The following TTC13 variants were observed in gnomAD, a reference collection of about 807,000 sequenced individuals.
TTC13 encodes the protein tetratricopeptide repeat domain 13, also known as tetratricopeptide repeat protein 13.
TTC13 carries 62 observed loss-of-function variants against 120.0 expected under a neutral mutation model. That is an observed-to-expected ratio of 0.52 (90% confidence interval 0.42 to 0.64). TTC13 has a LOEUF of 0.64. Among genes scored for constraint, TTC13 ranks in the 30% least tolerant of loss-of-function variants. The pLI is 0.00. For synonymous variants in TTC13, 384 were observed against 393.5 expected, an observed-to-expected ratio of 0.98 and a Z score of 0.28; for missense variants, 824 against 1,050.2, an observed-to-expected ratio of 0.78 and a Z score of 2.98.
intron 7 of TTC13, among the ~76,000 whole-genome samples, chr1:230,939,716 G>T (rs958066118): frequency 5.3e-5 from 8 of 152,050 alleles, no homozygotes; most frequent in African/African-American, 1.9e-4. Flanking sequence ...GAAAAACAAA[G>T]GTTTAATTTA....
chr1:230,949,723 G>C (rs930082219), intron 4 of TTC13, among the ~76,000 whole-genome samples: 1 of 152,052 alleles, frequency 6.6e-6, no homozygotes, highest in African/African-American at 2.4e-5. Flanking sequence ...TTGGCTCACT[G>C]CAAGTTCCAC....
Position 230,978,150 on chromosome 1 carries a change from G to A in TTC13, c.271+410C>T, listed in dbSNP as rs12757827. Among the ~76,000 whole-genome samples the A allele has an allele frequency of 0.19, 28,201 of 152,160 alleles. 3,470 individuals are homozygous for A. Among genetic ancestry groups the A allele is most frequent in the Non-Finnish European group, 0.27 (18,604 of 67,936 alleles). Reference sequence around the variant, plus strand: ...GCGTCTCCCTCCGGGGGCGGGCTCCGCAAGCCGCCGGGCTGGTTGCTCGTC... The same window carrying A: ...GCGTCTCCCTCCGGGGGCGGGCTCCACAAGCCGCCGGGCTGGTTGCTCGTC... On this transcript the variant is annotated intron_variant, in intron 1 of 22. Coordinates refer to ENST00000366661, the MANE Select transcript of TTC13 (RefSeq NM_024525.5). This position sits in a 1 kb window ranked among gnomAD's most constrained non-coding sequence, Gnocchi z 5.6.
At chr1:230,916,898 C>T (rs1158874314) in intron 17 of TTC13, among the ~76,000 whole-genome samples, 2 of 152,170 alleles carry the variant, frequency 1.3e-5, no homozygotes, top group Admixed American at 6.5e-5. Context: ...CAGACGTTAG[C>T]TTTCTGTTTA....
intron 8 of TTC13, chr1:230,936,182 T>A: frequency 2.2e-6 from 1 of 456,230 alleles, no homozygotes; most frequent in Non-Finnish European, 4.4e-6. Context: ...CCACAGTTCT[T>A]CAAAGTCTGA....
At chr1:230,910,577 G>C (rs1246219392) in intron 20 of TTC13, among the ~76,000 whole-genome samples, 1 of 152,232 alleles carries the variant, frequency 6.6e-6, no homozygotes, top group Non-Finnish European at 1.5e-5. Context: ...AGGACAATCA[G>C]AGCTGCACGT....
intron 1 of TTC13, among the ~76,000 whole-genome samples, chr1:230,971,074 G>A (rs961888614): frequency 3.3e-5 from 5 of 152,036 alleles, no homozygotes; most frequent in East Asian, 3.9e-4. Flanking sequence ...GGCCAGGCGC[G>A]GTGGCTCATG....
At chr1:230,943,687 A>G (rs1349465385) in intron 6 of TTC13, 119 bp downstream of exon 6, 8 of 724,008 alleles carry the variant, frequency 1.1e-5, no homozygotes, top group African/African-American at 1.8e-5. Flanking sequence ...AAGTACCGAC[A>G]TAGAAAAACA....
At chr1:230,971,941 A>G (rs1342512101) in intron 1 of TTC13, among the ~76,000 whole-genome samples, 3 of 152,246 alleles carry the variant, frequency 2.0e-5, no homozygotes, top group Non-Finnish European at 4.4e-5. Flanking sequence ...AAGCCCACAC[A>G]TACTGGCAGA....
At chr1:230,926,523 C>A (rs1478357142) in intron 12 of TTC13, among the ~76,000 whole-genome samples, 1 of 152,144 alleles carries the variant, frequency 6.6e-6, no homozygotes, top group East Asian at 1.9e-4. Flanking sequence ...TTTGAACACA[C>A]AGTTTAGGCA....
At chr1:230,907,822 ATAAC>A (rs779406578) in intron 22 of TTC13, among the ~76,000 whole-genome samples, 15 of 152,354 alleles carry the variant, frequency 9.8e-5, no homozygotes, top group Non-Finnish European at 1.8e-4. Context: ...AGGGGCAAAA[ATAAC>A]TAAAGTTGAA....
rs552591854 is a variant in TTC13, at chr1:230,961,187, A to T, written c.366+22T>A. On this transcript the variant is annotated intron_variant, in intron 2 of 22. Transcript: ENST00000366661. ...ACTGGGCTTCAGGTTACAAAAACAG[A>T]ACACAGAGAGAAGATGCATACCAGA... 2.5e-6 allele frequency: 4 copies of T among 1,597,870 alleles called. No individual in the cohort carries two copies. In the South Asian group the frequency reaches 4.4e-5, roughly 18 times the overall value.
rs367873990 is a variant in TTC13, at chr1:230,941,381, G to A, written c.673-825C>T. ...CACAATCATAGCTCACTGTAACCTC[G>A]GACTCCTGGGCTCATGCAATCCTCC... On this transcript the variant is annotated intron_variant, in intron 6 of 22. Transcript: ENST00000366661. Among the ~76,000 whole-genome samples the A allele has an allele frequency of 1.1e-4, 16 of 152,134 alleles. 1 individual carries two copies. Among genetic ancestry groups the A allele is most frequent in the Middle Eastern group, 3.4e-3 (1 of 294 alleles).
intron 22 of TTC13, chr1:230,908,484 C>T (rs1671158295): frequency 1.8e-6 from 1 of 552,604 alleles, no homozygotes; most frequent in Non-Finnish European, 3.3e-6. Context: ...GCTACTGTGC[C>T]TGGCCTTCAT....
intron 6 of TTC13, among the ~76,000 whole-genome samples, chr1:230,943,428 G>T (rs764474529): frequency 1.3e-5 from 2 of 151,908 alleles, no homozygotes; most frequent in Non-Finnish European, 2.9e-5. Context: ...CATGTCCTTT[G>T]TAGGGACATG....
chr1:230,938,329 T>C (rs1415044111), intron 8 of TTC13, among the ~76,000 whole-genome samples: 1 of 152,144 alleles, frequency 6.6e-6, no homozygotes, highest in Non-Finnish European at 1.5e-5. Context: ...GTGCCAGGCC[T>C]TGAGCGGCAC....
chr1:230,920,966 T>C (rs1672522018), intron 16 of TTC13, among the ~76,000 whole-genome samples: 1 of 152,248 alleles, frequency 6.6e-6, no homozygotes, highest in South Asian at 2.1e-4. Context: ...GTTGTTTTTT[T>C]CCTTTCTAAA....
chr1:230,947,828 C>A (rs1342957556), intron 4 of TTC13, among the ~76,000 whole-genome samples: 1 of 152,192 alleles, frequency 6.6e-6, no homozygotes, highest in Admixed American at 6.5e-5. Flanking sequence ...AGTTATTCTA[C>A]AAATACAACT....
At chr1:230,924,372 G>T (rs1261132430) in intron 14 of TTC13, among the ~76,000 whole-genome samples, 2 of 152,012 alleles carry the variant, frequency 1.3e-5, no homozygotes, top group Non-Finnish European at 2.9e-5. Context: ...TCGCTGTGTC[G>T]CCCAGGCTGG....
chr1:230,927,094 TATCCC>T (rs1215621329), intron 12 of TTC13, among the ~76,000 whole-genome samples: 1 of 152,232 alleles, frequency 6.6e-6, no homozygotes, highest in Admixed American at 6.5e-5. Flanking sequence ...TGCTGTATAA[TATCCC>T]ATTGTGTGAC....
Sources: gnomAD v4.1 joint callset for allele counts (sites outside exome capture counted in the v4.1 genomes callset) on GRCh38, gnomAD v4.1.1 for gene constraint, Gnocchi (gnomAD v3.1) non-coding constraint, MANE v1.5 for transcripts, NCBI Gene and HGNC (gene_info 2026-07-23, HGNC 2026-07-21) for gene names.